EYS: variants seen among roughly 807,000 people sequenced by gnomAD.
EYS encodes protein eyes shut homolog.
EYS carries 250 observed loss-of-function variants against 282.1 expected under a neutral mutation model. That is an observed-to-expected ratio of 0.89 (90% CI 0.80 to 0.98). The LOEUF is 0.98. Ranked by LOEUF, EYS falls within the 50% of genes least tolerant of loss-of-function variation. EYS has a pLI of 0.00. For missense variants in EYS, 4,016 were observed against 3,709.0 expected (o/e 1.08, Z -2.15); for synonymous variants, 1,355 against 1,282.9 (o/e 1.06, Z -1.20).
intron 33 of EYS, among the ~76,000 whole-genome samples, chr6:64,045,259 C>T (rs1289289570): frequency 1.3e-5 from 2 of 151,794 alleles, no homozygotes; most frequent in South Asian, 2.1e-4. Flanking sequence ...TTCAGGAATA[C>T]TTTAAAAAGG....
intron 24 of EYS, among the ~76,000 whole-genome samples, chr6:64,611,690 C>A (rs1403919702): frequency 6.6e-6 from 1 of 152,018 alleles, no homozygotes; most frequent in African/African-American, 2.4e-5. Flanking sequence ...TAGTGCATTG[C>A]AAGAGGATGT....
In EYS at chr6:65,224,048, A is replaced by G. The variant is rs1039709863; in HGVS notation, c.2023+71815T>C. On this transcript the variant is annotated intron_variant, in intron 12 of 42. Coordinates refer to ENST00000503581, the MANE Select transcript of EYS (RefSeq NM_001142800.2). ...TGAAGTTGCTTGACAAGATGACTTG[A>G]GTAACACTACAAACCAGACCTAACA... Among the ~76,000 whole-genome samples the G allele has an allele frequency of 2.6e-5, 4 of 152,198 alleles. No homozygotes were observed. In the East Asian group the frequency reaches 5.8e-4, roughly 22 times the overall value.
At chr6:64,102,497 A>G (rs962279746) in intron 31 of EYS, among the ~76,000 whole-genome samples, 3 of 152,180 alleles carry the variant, frequency 2.0e-5, no homozygotes, top group African/African-American at 7.2e-5. Flanking sequence ...TTAAGCTGCC[A>G]ATCAGAAAAT....
At chr6:64,626,288 C>T in intron 22 of EYS, 43 bp from the exon 23 acceptor site, 1 of 1,499,076 alleles carries the variant, frequency 6.7e-7, no homozygotes, top group Non-Finnish European at 8.8e-7. Context: ...ATATTATACA[C>T]ATGAGCACTA....
At chr6:64,259,650 G>GCGCA (rs140354088) in intron 30 of EYS, among the ~76,000 whole-genome samples, 13,342 of 145,296 alleles carry the variant, frequency 0.092, 812 homozygotes, top group African/African-American at 0.18. Context: ...TTACACACGC[G>GCGCA]CACACACACA....
At chr6:64,840,599 T>A (rs1669960055) in intron 19 of EYS, among the ~76,000 whole-genome samples, 1 of 152,138 alleles carries the variant, frequency 6.6e-6, no homozygotes, top group Non-Finnish European at 1.5e-5. Flanking sequence ...TCATTTGTTG[T>A]GGATAACACT....
At chr6:64,704,174 T>C (rs994480606) in intron 22 of EYS, among the ~76,000 whole-genome samples, 3 of 151,634 alleles carry the variant, frequency 2.0e-5, no homozygotes, top group African/African-American at 7.3e-5. Flanking sequence ...GTTAAATGTG[T>C]TTGCACTAAT....
rs532507834 is a variant in EYS at position 65,412,967 on chromosome 6, A to G, written c.863-7600T>C. On this transcript the variant is annotated intron_variant, in intron 5 of 42. Coordinates refer to ENST00000503581, the MANE Select transcript of EYS (RefSeq NM_001142800.2). ...GAACTGCTTTTTCTGAGGTGAAAGC[A>G]TTTTGTTGTGCACATTTTAAGATGT... 2.5e-3 allele frequency among the ~76,000 whole-genome samples: 380 copies of G among 152,210 alleles called. 2 individuals are homozygous for G. The highest frequency in any genetic ancestry group is 0.021 in the South Asian group (99 of 4,828).
rs968963341 is a variant in EYS at position 64,197,235 on chromosome 6, C to T, written c.6424+33357G>A. Among the ~76,000 whole-genome samples the T allele has an allele frequency of 2.6e-5, 4 of 152,126 alleles. 1 individual carries two copies. The South Asian group carries it at 6.2e-4, about 24-fold the overall frequency. ...AATATTTTGTTTTTCCATCTACCCT[C>T]TGCTGTTGAGAGAGGCGATTTTCTT... On this transcript the variant is annotated intron_variant, in intron 31 of 42. Coordinates refer to ENST00000503581, the MANE Select transcript of EYS (RefSeq NM_001142800.2).
intron 2 of EYS, among the ~76,000 whole-genome samples, chr6:65,616,845 G>A (rs918879908): frequency 6.6e-6 from 1 of 151,540 alleles, no homozygotes; most frequent in African/African-American, 2.4e-5. Flanking sequence ...AAATAAATAC[G>A]TATATATCTT....
intron 21 of EYS, among the ~76,000 whole-genome samples, chr6:64,820,659 T>C (rs1562208929): frequency 6.6e-6 from 1 of 152,172 alleles, no homozygotes; most frequent in Non-Finnish European, 1.5e-5. Flanking sequence ...TGCAATAACC[T>C]GAGGTAGTTA....
chr6:64,937,514 G>A (rs1008052411), intron 15 of EYS, among the ~76,000 whole-genome samples: 17 of 151,472 alleles, frequency 1.1e-4, no homozygotes, highest in Admixed American at 4.0e-4. Flanking sequence ...AGAGATACAC[G>A]AGGTCAGAAA....
chr6:64,300,272 G>A (rs1282225323), intron 30 of EYS, among the ~76,000 whole-genome samples: 1 of 152,044 alleles, frequency 6.6e-6, no homozygotes, highest in Admixed American at 6.5e-5. Flanking sequence ...GGCCGACAGG[G>A]GCCGCGGCAG....
At chr6:63,876,211 G>T (rs1370234492) in intron 35 of EYS, among the ~76,000 whole-genome samples, 1 of 152,142 alleles carries the variant, frequency 6.6e-6, no homozygotes, top group African/African-American at 2.4e-5. Context: ...CTTTATTTCT[G>T]CCTTCATTTC....
At chr6:65,026,516 G>C (rs565766895) in intron 13 of EYS, among the ~76,000 whole-genome samples, 4 of 152,280 alleles carry the variant, frequency 2.6e-5, no homozygotes, top group South Asian at 4.1e-4. Flanking sequence ...ATAAGGGAGG[G>C]GATGTTATAT....
chr6:65,532,280 T>C (rs1767801602), intron 2 of EYS, among the ~76,000 whole-genome samples: 1 of 152,152 alleles, frequency 6.6e-6, no homozygotes, highest in Non-Finnish European at 1.5e-5. Context: ...CTATATTTAC[T>C]CTGGTACGTA....
At chr6:63,725,951 T>A (rs533776166) in intron 42 of EYS, among the ~76,000 whole-genome samples, 2 of 152,210 alleles carry the variant, frequency 1.3e-5, no homozygotes, top group Non-Finnish European at 1.5e-5. Flanking sequence ...TTTGGAGAAA[T>A]GAATGAAAAT....
At chr6:64,002,111 G>A (rs1247918440) in intron 33 of EYS, among the ~76,000 whole-genome samples, 2 of 152,194 alleles carry the variant, frequency 1.3e-5, no homozygotes, top group African/African-American at 2.4e-5. Flanking sequence ...GACCAGCCAC[G>A]GTGGAACAAT....
intron 35 of EYS, among the ~76,000 whole-genome samples, chr6:63,914,075 T>C (rs576388400): frequency 1.1e-4 from 16 of 152,324 alleles, no homozygotes; most frequent in Middle Eastern, 3.4e-3. Context: ...GTGAACTTAA[T>C]TGAAACATGT....
Sources: gnomAD v4.1 joint callset for allele counts (sites outside exome capture counted in the v4.1 genomes callset) on GRCh38, gnomAD v4.1.1 for gene constraint, MANE v1.5 for transcripts, NCBI Gene and HGNC (gene_info 2026-07-23, HGNC 2026-07-21) for gene names.